Variants in PARP16 observed in about 807,000 individuals in gnomAD.
The protein encoded by PARP16 is poly(ADP-ribose) polymerase family member 16, also known as protein mono-ADP-ribosyltransferase PARP16.
A neutral mutation model predicts 35.0 loss-of-function variants in PARP16; 31 were observed. The observed-to-expected ratio is 0.88, with a 90% CI of 0.66 to 1.19. The LOEUF is 1.19. PARP16 is among the 50% of genes most tolerant of loss of function. The pLI is 0.00. For synonymous variants in PARP16, 162 were observed against 169.5 expected (o/e 0.96, Z 0.34); for missense variants, 424 against 411.2 (o/e 1.03, Z -0.27).
intron 5 of PARP16, 48 bp from the exon 6 acceptor site, chr15:65,259,590 T>C: frequency 6.4e-7 from 1 of 1,550,944 alleles, no homozygotes; most frequent in East Asian, 2.3e-5. Context: ...GAGAAAAACA[T>C]TTTTTTTAAG....
rs900824885 is a variant in PARP16, at chr15:65,240,890, T to C, written c.*98-6067A>G. Reference sequence around the variant, plus strand: ...CTCTGTTGCCTAGGCTGGAGTGCAGTGGTGCAATCTCGGCTCACTGCAACT... The same window carrying C: ...CTCTGTTGCCTAGGCTGGAGTGCAGCGGTGCAATCTCGGCTCACTGCAACT... On this transcript the variant is annotated intron_variant and NMD_transcript_variant, in intron 3 of 3. Coordinates refer to the PARP16 transcript ENST00000559805. 2.6e-5 allele frequency among the ~76,000 whole-genome samples: 4 copies of C among 152,120 alleles called. No homozygotes were observed. In the South Asian group the frequency reaches 8.3e-4, roughly 32 times the overall value.
Position 65,286,691 on chromosome 15 carries a change from T to C in PARP16, c.-265A>G. 3.8e-6 allele frequency: 1 copy of C among 261,892 alleles called. No homozygotes were observed. The highest frequency in any genetic ancestry group is 6.3e-5 in the East Asian group (1 of 15,866). The allele number at this position is 261,892 out of a possible 1,614,324, so 16.2% of individuals were successfully genotyped here. On this transcript the variant is annotated 5_prime_UTR_variant, in exon 1 of 6. Coordinates refer to ENST00000649807, the MANE Select transcript of PARP16 (RefSeq NM_001316943.2). ...TCGGCGGGGAGGTTGGGCCCAGGGA[T>C]AAAGGAACTGGGGCTGGTGGGGGGG...
chr15:65,281,093 C>G (rs564636815), intron 1 of PARP16, among the ~76,000 whole-genome samples: 1 of 152,144 alleles, frequency 6.6e-6, no homozygotes, highest in South Asian at 2.1e-4. Flanking sequence ...ACACTTCCCA[C>G]CCCCAGAAAG....
intron 2 of PARP16, among the ~76,000 whole-genome samples, chr15:65,269,180 C>T (rs1403100843): frequency 3.5e-5 from 5 of 141,562 alleles, no homozygotes; most frequent in African/African-American, 1.4e-4. Context: ...CGGTTTTTTT[C>T]TTTCTTTCTT....
At chr15:65,242,143 G>A (rs999281908) in intron 3 of PARP16, among the ~76,000 whole-genome samples, 4 of 152,100 alleles carry the variant, frequency 2.6e-5, no homozygotes, top group African/African-American at 4.8e-5. Context: ...TTCCCCAAAG[G>A]TACTTTGTCA....
chr15:65,264,281 C>G (rs1409037551), intron 3 of PARP16, among the ~76,000 whole-genome samples: 1 of 152,190 alleles, frequency 6.6e-6, no homozygotes. Flanking sequence ...ACAGTAATAT[C>G]AAGCATGGCA....
At chr15:65,241,366 C>G (rs1208815840) in intron 3 of PARP16, among the ~76,000 whole-genome samples, 1 of 152,140 alleles carries the variant, frequency 6.6e-6, no homozygotes, top group African/African-American at 2.4e-5. Context: ...GTCTCGAACT[C>G]CTGACCTCAG....
chr15:65,245,340 C>T (rs1379974804), intron 3 of PARP16, among the ~76,000 whole-genome samples: 4 of 152,234 alleles, frequency 2.6e-5, no homozygotes, highest in African/African-American at 9.7e-5. Context: ...CACGTTGCCA[C>T]TATCTGCTCT....
chr15:65,231,263 T>G (rs2088775771), downstream of PARP16, among the ~76,000 whole-genome samples: 1 of 152,196 alleles, frequency 6.6e-6, no homozygotes, highest in Non-Finnish European at 1.5e-5. Context: ...GTCTTTTAAC[T>G]GAGGCATTGA....
rs2089608945 is a variant in PARP16, at chr15:65,259,061, G to A, written c.*346C>T. ...GAAAGGGCCAACCTCTGCCAGGAGA[G>A]ATTGTAAACACACCACTGACAGCTT... is the stretch of plus-strand genomic sequence containing the variant. On this transcript the variant is annotated 3_prime_UTR_variant, in exon 6 of 6. Transcript: ENST00000649807. 1 of 185,704 alleles carries A rather than the reference G, an allele frequency of 5.4e-6. No individual in the cohort carries two copies. Among genetic ancestry groups the A allele is most frequent in the South Asian group, 1.6e-4 (1 of 6,072 alleles). The allele number at this position is 185,704 out of a possible 1,614,324, so 11.5% of individuals were successfully genotyped here. A position where few individuals can be genotyped will look rare whatever the true frequency, so the allele number is the denominator to read the frequency against.
chr15:65,286,150 G>T, intron 1 of PARP16, 103 bp downstream of exon 1: 1 of 947,712 alleles, frequency 1.1e-6, no homozygotes, highest in Non-Finnish European at 1.5e-6. Flanking sequence ...AAAGTCTGGC[G>T]GCTGTCATGT....
chr15:65,256,467 G>A (rs1045993121), downstream of PARP16, among the ~76,000 whole-genome samples: 6 of 141,580 alleles, frequency 4.2e-5, no homozygotes, highest in African/African-American at 1.6e-4. Flanking sequence ...GAGTGCAGTC[G>A]CACAATCTCG....
At position 65,258,478 on chromosome 15, in the gene PARP16, G is replaced by A. The variant is rs1392398262; in HGVS notation, c.*929C>T. 6.6e-6 allele frequency: 1 copy of A among 152,266 alleles called. No homozygotes were observed. The highest frequency in any genetic ancestry group is 1.5e-5 in the Non-Finnish European group (1 of 68,068). 9.4% of individuals were successfully genotyped at this position (152,266 alleles called of 1,614,324 possible). On this transcript the variant is annotated 3_prime_UTR_variant, in exon 6 of 6. Coordinates refer to ENST00000649807, the MANE Select transcript of PARP16 (RefSeq NM_001316943.2). ...GAAGACCTGAAAGCATGGCACTCGTGGTTGCAGGCCACAGTCAAGGCAGCT... is the reference window on the plus strand; with the variant it reads ...GAAGACCTGAAAGCATGGCACTCGTAGTTGCAGGCCACAGTCAAGGCAGCT...
chr15:65,266,252 C>T (rs1375816824), intron 3 of PARP16, among the ~76,000 whole-genome samples: 2 of 152,182 alleles, frequency 1.3e-5, no homozygotes, highest in Non-Finnish European at 2.9e-5. Flanking sequence ...TCTAAATATG[C>T]AGCCAAGGTC....
At chr15:65,250,106 CCTTTTTTTT>C (rs1318946146) in intron 2 of PARP16, among the ~76,000 whole-genome samples, 2 of 104,198 alleles carry the variant, frequency 1.9e-5, no homozygotes, top group Non-Finnish European at 3.8e-5. Context: ...CACCTGCTTG[CCTTTTTTTT>C]TTTTTTTTTT....
At chr15:65,242,501 C>T (rs1052167858) in intron 3 of PARP16, among the ~76,000 whole-genome samples, 2 of 152,094 alleles carry the variant, frequency 1.3e-5, no homozygotes, top group Admixed American at 1.3e-4. Flanking sequence ...GATCCATGAA[C>T]ACAGTATCTC....
At chr15:65,273,418 C>G (rs2090152952) in intron 1 of PARP16, among the ~76,000 whole-genome samples, 1 of 151,940 alleles carries the variant, frequency 6.6e-6, no homozygotes, top group Non-Finnish European at 1.5e-5. Flanking sequence ...GCCTATAATC[C>G]TAGCTACTCA....
At position 65,279,884 on chromosome 15, in the gene PARP16, G is replaced by GT. The variant is rs929043926; in HGVS notation, c.174+6368dup. Among the ~76,000 whole-genome samples the GT allele has an allele frequency of 4.2e-3, 610 of 146,152 alleles. 3 individuals are homozygous for GT. The highest frequency in any genetic ancestry group is 0.012 in the African/African-American group (474 of 40,002). ...CTGAGGATGGGGCTCAGACGTCAGG[G>GT]TTTTTTTTTTTCCTTAGTTTCCCAC... On this transcript the variant is annotated intron_variant, in intron 1 of 5. Coordinates refer to ENST00000649807, the MANE Select transcript of PARP16 (RefSeq NM_001316943.2).
intron 2 of PARP16, among the ~76,000 whole-genome samples, chr15:65,248,496 T>A (rs1244480729): frequency 6.6e-6 from 1 of 152,088 alleles, no homozygotes; most frequent in Non-Finnish European, 1.5e-5. Flanking sequence ...TATACAGATG[T>A]GAATACTTAC....
Sources: allele counts gnomAD v4.1 joint callset (sites outside exome capture counted in the v4.1 genomes callset), GRCh38; gene constraint gnomAD v4.1.1; transcripts MANE v1.5; gene names NCBI Gene and HGNC (gene_info 2026-07-23, HGNC 2026-07-21).